MAPK10: variants seen among roughly 807,000 people sequenced by gnomAD.
MAPK10 encodes mitogen-activated protein kinase 10.
Under a neutral mutation model 59.3 loss-of-function variants are expected in MAPK10, and 25 were observed. The observed-to-expected ratio is 0.42, with a 90% CI of 0.31 to 0.59. MAPK10 has a LOEUF of 0.59. MAPK10 is among the 20% of genes least tolerant of loss of function. MAPK10 has a pLI of 0.15. For synonymous variants in MAPK10, 190 were observed against 200.5 expected, an observed-to-expected ratio of 0.95 and a Z score of 0.44; for missense variants, 351 against 568.9, an observed-to-expected ratio of 0.62 and a Z score of 3.90.
chr4:86,224,791 G>C (rs1284653838), intron 2 of MAPK10, among the ~76,000 whole-genome samples: 1 of 152,012 alleles, frequency 6.6e-6, no homozygotes, highest in African/African-American at 2.4e-5. Context: ...TAGAAAATAA[G>C]GTCAGAGAAT....
intron 1 of MAPK10, among the ~76,000 whole-genome samples, chr4:86,452,228 G>A (rs1018033030): frequency 6.6e-6 from 1 of 152,198 alleles, no homozygotes. Flanking sequence ...CAGAGAACAG[G>A]CTAGAGCCAG....
chr4:86,213,278 T>A (rs949828175), intron 2 of MAPK10, among the ~76,000 whole-genome samples: 16 of 152,066 alleles, frequency 1.1e-4, no homozygotes, highest in African/African-American at 3.9e-4. Flanking sequence ...CAACCTAACT[T>A]TGCAACTTAA....
chr4:86,123,566 T>C (rs1271314859), intron 4 of MAPK10: 2 of 152,106 alleles, frequency 1.3e-5, no homozygotes, highest in Non-Finnish European at 2.9e-5. Flanking sequence ...TCTAAGCAAG[T>C]GACATAACCA....
intron 1 of MAPK10, among the ~76,000 whole-genome samples, chr4:86,530,693 A>T (rs1757789132): frequency 6.6e-6 from 1 of 152,148 alleles, no homozygotes; most frequent in Non-Finnish European, 1.5e-5. Context: ...TAAGGATACT[A>T]ATCCCATTCC....
intron 1 of MAPK10, among the ~76,000 whole-genome samples, chr4:86,473,965 C>A (rs1329928782): frequency 6.6e-6 from 1 of 151,978 alleles, no homozygotes; most frequent in East Asian, 1.9e-4. Context: ...GCCCTGGCAA[C>A]ATAGTGAGAC....
intron 2 of MAPK10, among the ~76,000 whole-genome samples, chr4:86,347,523 A>AG (rs1728893853): frequency 6.6e-6 from 1 of 152,200 alleles, no homozygotes; most frequent in Non-Finnish European, 1.5e-5. Context: ...GGAGGAAAAA[A>AG]GTTTGTAAAA....
At chr4:86,411,938 CATTATGATGTT>C in intron 1 of MAPK10, among the ~76,000 whole-genome samples, 1 of 152,262 alleles carries the variant, frequency 6.6e-6, no homozygotes, top group East Asian at 1.9e-4. Flanking sequence ...TTGATCCTGT[CATTATGATGTT>C]AGCTGGTTAT....
At chr4:86,434,997 G>A (rs1171840039) in intron 1 of MAPK10, among the ~76,000 whole-genome samples, 1 of 152,092 alleles carries the variant, frequency 6.6e-6, no homozygotes, top group Non-Finnish European at 1.5e-5. Flanking sequence ...GCAGCAACAT[G>A]GACGAAACTG....
chr4:86,380,139 T>C (rs547823018), intron 1 of MAPK10, among the ~76,000 whole-genome samples: 1 of 152,186 alleles, frequency 6.6e-6, no homozygotes, highest in African/African-American at 2.4e-5. Flanking sequence ...GGAGAATCAC[T>C]TGAATCTGGG....
chr4:86,181,193 C>G (rs1185700223), intron 3 of MAPK10, among the ~76,000 whole-genome samples: 1 of 151,572 alleles, frequency 6.6e-6, no homozygotes, highest in African/African-American at 2.4e-5. Context: ...GAAAAATTAC[C>G]AAAAACTCTT....
chr4:86,198,047 G>T (rs551389080), intron 2 of MAPK10, among the ~76,000 whole-genome samples: 1 of 152,116 alleles, frequency 6.6e-6, no homozygotes, highest in Non-Finnish European at 1.5e-5. Flanking sequence ...ATTAGTCATT[G>T]TATGGGGATG....
intron 2 of MAPK10, among the ~76,000 whole-genome samples, chr4:86,219,138 CTT>C (rs1319048096): frequency 1.3e-5 from 2 of 152,024 alleles, no homozygotes; most frequent in African/African-American, 4.8e-5. Context: ...CCATAGTTTT[CTT>C]TGTCTTTCTT....
intron 2 of MAPK10, among the ~76,000 whole-genome samples, chr4:86,206,929 G>A (rs559971212): frequency 6.6e-6 from 1 of 152,222 alleles, no homozygotes; most frequent in East Asian, 1.9e-4. Context: ...GGAGTTCATT[G>A]TAGATTCTGG....
intron 11 of MAPK10, among the ~76,000 whole-genome samples, chr4:86,052,092 GT>G (rs985230785): frequency 1.3e-5 from 2 of 151,680 alleles, no homozygotes; most frequent in Non-Finnish European, 2.9e-5. Context: ...AATGTTAATA[GT>G]TTTTTTAAAT....
At chr4:86,326,483 AGAG>A (rs1381812081) in intron 2 of MAPK10, 1 of 152,198 alleles carries the variant, frequency 6.6e-6, no homozygotes, top group Non-Finnish European at 1.5e-5. Flanking sequence ...GCAGTGGTGT[AGAG>A]GAGATTTAAT....
intron 3 of MAPK10, chr4:86,191,553 C>CAT (rs2079810486): frequency 3.3e-5 from 1 of 30,370 alleles, no homozygotes; most frequent in Non-Finnish European, 1.2e-4. Flanking sequence ...ACAACCCGTG[C>CAT]TTTTTTTTTT....
intron 1 of MAPK10, among the ~76,000 whole-genome samples, chr4:86,417,780 G>A (rs2149031251): frequency 6.6e-6 from 1 of 152,170 alleles, no homozygotes; most frequent in South Asian, 2.1e-4. Flanking sequence ...CCACCTAGAG[G>A]GTCTTACTGA....
chr4:86,265,354 C>T (rs978567653), intron 2 of MAPK10, among the ~76,000 whole-genome samples: 5 of 151,786 alleles, frequency 3.3e-5, no homozygotes, highest in African/African-American at 1.2e-4. Flanking sequence ...ACTAAAAATA[C>T]AAAATTTAGC....
At chr4:86,033,287 T>C (rs532089605) in intron 11 of MAPK10, among the ~76,000 whole-genome samples, 42 of 152,352 alleles carry the variant, frequency 2.8e-4, no homozygotes, top group African/African-American at 9.9e-4. Context: ...TGTATAATGC[T>C]GTGGTTAGGC....
Sources: gnomAD v4.1 joint callset for allele counts (sites outside exome capture counted in the v4.1 genomes callset) on GRCh38, gnomAD v4.1.1 for gene constraint, MANE v1.5 for transcripts, NCBI Gene and HGNC (gene_info 2026-07-23, HGNC 2026-07-21) for gene names.